The following COL24A1 variants were observed in gnomAD, a reference collection of about 807,000 sequenced individuals.
The protein encoded by COL24A1 is collagen type XXIV alpha 1 chain, also known as collagen alpha-1(XXIV) chain.
Under a neutral mutation model 253.9 loss-of-function variants are expected in COL24A1, and 224 were observed. The ratio of observed to expected loss-of-function variants is 0.88; its 90% confidence interval spans 0.79 to 0.99. The LOEUF is 0.99. Ranked by LOEUF, COL24A1 falls within the 50% of genes least tolerant of loss-of-function variation. The pLI, the probability that COL24A1 is intolerant of heterozygous loss-of-function variation, is 0.00. For synonymous variants in COL24A1, 685 were observed against 673.7 expected, an observed-to-expected ratio of 1.02 and a Z score of -0.26; for missense variants, 2,131 against 2,068.5, an observed-to-expected ratio of 1.03 and a Z score of -0.59.
At chr1:85,773,697 T>C (rs1413890238) in intron 53 of COL24A1, among the ~76,000 whole-genome samples, 1 of 152,218 alleles carries the variant, frequency 6.6e-6, no homozygotes, top group Non-Finnish European at 1.5e-5. Context: ...ATAGGAATGC[T>C]TGTGATTTTT....
intron 51 of COL24A1, among the ~76,000 whole-genome samples, chr1:85,781,491 T>C (rs1669143007): frequency 6.6e-6 from 1 of 152,196 alleles, no homozygotes; most frequent in Non-Finnish European, 1.5e-5. Flanking sequence ...GAGTTGCATC[T>C]GTATAATTTC....
chr1:85,870,823 C>T (rs1228518457), intron 35 of COL24A1, among the ~76,000 whole-genome samples: 1 of 152,030 alleles, frequency 6.6e-6, no homozygotes, highest in African/African-American at 2.4e-5. Context: ...CAAAAGCACA[C>T]CGAAGGCAAG....
intron 58 of COL24A1, chr1:85,736,213 A>C (rs1557929774): frequency 2.3e-6 from 1 of 436,020 alleles, no homozygotes; most frequent in Non-Finnish European, 4.6e-6. Context: ...GGTTCATAGA[A>C]TAGAGACTAG....
intron 32 of COL24A1, 74 bp from the exon 33 acceptor site, chr1:85,877,249 G>A: frequency 9.5e-7 from 1 of 1,047,416 alleles, no homozygotes; most frequent in South Asian, 1.6e-5. Flanking sequence ...ATCTGGATAT[G>A]GGTTTTATAA....
intron 19 of COL24A1, among the ~76,000 whole-genome samples, chr1:86,001,920 AAGAC>A (rs1398911654): frequency 2.0e-5 from 3 of 152,206 alleles, no homozygotes; most frequent in African/African-American, 7.2e-5. Context: ...TCTGGGAAAA[AAGAC>A]AGACAGAGAC....
intron 5 of COL24A1, among the ~76,000 whole-genome samples, chr1:86,102,806 G>A (rs546768291): frequency 3.3e-5 from 5 of 152,280 alleles, no homozygotes; most frequent in Non-Finnish European, 5.9e-5. Context: ...CGATTGTGTG[G>A]TCAATGTTAG....
intron 3 of COL24A1, among the ~76,000 whole-genome samples, chr1:86,119,701 T>G (rs1205539504): frequency 3.9e-5 from 6 of 152,150 alleles, no homozygotes. Flanking sequence ...TACTTCCCTA[T>G]GCCTCTCCAT....
intron 24 of COL24A1, among the ~76,000 whole-genome samples, chr1:85,918,255 T>G (rs1283723323): frequency 6.6e-6 from 1 of 152,114 alleles, no homozygotes; most frequent in Non-Finnish European, 1.5e-5. Context: ...TAGAAAAGTT[T>G]CTTTAATCCA....
Position 85,889,694 on chromosome 1 carries a change from T to C in COL24A1, c.2923-81A>G, listed in dbSNP as rs181084832. 6.3e-4 allele frequency: 781 copies of C among 1,237,670 alleles called. 8 individuals carry two copies. The Middle Eastern group carries it at 0.013, about 20-fold the overall frequency. The allele number at this position is 1,237,670 out of a possible 1,614,324, so 76.7% of individuals were successfully genotyped here. A position where few individuals can be genotyped will look rare whatever the true frequency, so the allele number is the denominator to read the frequency against. Reference sequence around the variant, plus strand: ...CACTTTCCTTACCTTAGCTTTCCTATGGATCCTTCCACCCAACTTTTCTGT... The same window carrying C: ...CACTTTCCTTACCTTAGCTTTCCTACGGATCCTTCCACCCAACTTTTCTGT... On this transcript the variant is annotated intron_variant, in intron 31 of 59. Coordinates refer to ENST00000370571, the MANE Select transcript of COL24A1 (RefSeq NM_152890.7).
intron 2 of COL24A1, among the ~76,000 whole-genome samples, chr1:86,126,612 A>G (rs1322051133): frequency 6.6e-6 from 1 of 152,076 alleles, no homozygotes; most frequent in African/African-American, 2.4e-5. Flanking sequence ...AGCCAGCACT[A>G]CAACGGCATG....
intron 59 of COL24A1, among the ~76,000 whole-genome samples, chr1:85,731,809 G>A (rs1211792746): frequency 6.6e-6 from 1 of 152,128 alleles, no homozygotes; most frequent in East Asian, 1.9e-4. Context: ...TTTCTAACTA[G>A]AGTACTCAGG....
At chr1:85,932,955 G>A (rs1271257027) in intron 24 of COL24A1, among the ~76,000 whole-genome samples, 2 of 116,062 alleles carry the variant, frequency 1.7e-5, no homozygotes, top group African/African-American at 3.3e-5. Context: ...GGGGAGGGGG[G>A]AGGGATAGTA....
chr1:85,858,621 C>CTCCTTCCTTCCTTCCTTCTTTCTTTCCT (rs1553201491), intron 37 of COL24A1, among the ~76,000 whole-genome samples: 1 of 113,270 alleles, frequency 8.8e-6, no homozygotes. Context: ...TATTTTCTCC[C>CTCCTTCCTTCCTTCCTTCTTTCTTTCCT]TCCTTCCTTC....
chr1:86,081,882 T>C (rs1702665133), intron 7 of COL24A1, among the ~76,000 whole-genome samples: 1 of 152,210 alleles, frequency 6.6e-6, no homozygotes. Flanking sequence ...TGCATATTTA[T>C]ATAATGTTGA....
intron 47 of COL24A1, among the ~76,000 whole-genome samples, chr1:85,816,067 C>G (rs1040656122): frequency 6.6e-6 from 1 of 152,034 alleles, no homozygotes; most frequent in African/African-American, 2.4e-5. Context: ...CTTTTCCTCA[C>G]CAAGGCTGAT....
intron 19 of COL24A1, among the ~76,000 whole-genome samples, chr1:86,016,840 T>C (rs1160641585): frequency 6.6e-6 from 1 of 152,230 alleles, no homozygotes; most frequent in Non-Finnish European, 1.5e-5. Context: ...GCATTAATAA[T>C]TCAGTGGAGT....
intron 1 of COL24A1, among the ~76,000 whole-genome samples, chr1:86,151,056 G>A (rs1178921707): frequency 6.6e-6 from 1 of 151,874 alleles, no homozygotes; most frequent in Non-Finnish European, 1.5e-5. Flanking sequence ...GTGTGTGTGT[G>A]TATACACATA....
Position 85,961,254 on chromosome 1 carries a change from C to T in COL24A1, c.2557G>A (p.Glu853Lys), listed in dbSNP as rs750130625. 1 of 1,602,104 alleles carries T rather than the reference C, an allele frequency of 6.2e-7. No individual in the cohort carries two copies. The highest frequency in any genetic ancestry group is 2.2e-5 in the East Asian group (1 of 44,624). ...GDQGNIGKIG[E>K]TGPVGLPGEV... ...AGAGCATAAAATAAGCTTACTGTTT[C>T]ACCAATTTTTCCAATATTTCCTTGA... Residue 853 changes from glutamate (E) to lysine (K), a missense_variant, in exon 24 of 60, where the codon GAA (glutamate) becomes AAA (lysine). Coordinates refer to ENST00000370571, the MANE Select transcript of COL24A1 (RefSeq NM_152890.7).
intron 47 of COL24A1, among the ~76,000 whole-genome samples, chr1:85,796,928 C>T (rs185296689): frequency 8.2e-4 from 124 of 151,946 alleles, no homozygotes; most frequent in African/African-American, 1.2e-3. Context: ...TGGCCGGGCA[C>T]GGTGGCTCAC....
Sources: allele counts gnomAD v4.1 joint callset (sites outside exome capture counted in the v4.1 genomes callset), GRCh38; gene constraint gnomAD v4.1.1; transcripts MANE v1.5; gene names NCBI Gene and HGNC (gene_info 2026-07-23, HGNC 2026-07-21).